Variants in DSTYK observed in about 807,000 individuals in gnomAD.
DSTYK encodes RIP-homologous kinase.
A neutral mutation model predicts 98.7 loss-of-function variants in DSTYK; 34 were observed. The observed-to-expected ratio is 0.34, with a 90% CI of 0.26 to 0.46. The LOEUF (loss-of-function observed/expected upper bound fraction) is 0.46, where lower values mean the gene tolerates loss of function less well. Ranked by LOEUF, DSTYK falls within the 20% of genes least tolerant of loss-of-function variation. The probability of loss-of-function intolerance (pLI) is 1.00; values close to 1 mark genes in which losing one functional copy is unlikely to be tolerated. For missense variants in DSTYK, 962 were observed against 1,181.7 expected (o/e 0.81, Z 2.73); for synonymous variants, 462 against 457.3 (o/e 1.01, Z -0.13).
chr1:205,183,775 T>C lies in DSTYK; in HGVS notation c.654+3643A>G, dbSNP rs547134354. ...AATGCCCCCAGCAGTAAGCTGAGCA[T>C]TGCTGATGTATCTAACAGAGACAGG... On this transcript the variant is annotated intron_variant, in intron 2 of 12. Coordinates refer to ENST00000367162, the MANE Select transcript of DSTYK (RefSeq NM_015375.3). Among the ~76,000 whole-genome samples, 13 of 152,270 alleles carry C rather than the reference T, an allele frequency of 8.5e-5. No homozygotes were observed. The East Asian group carries it at 2.1e-3, about 25-fold the overall frequency.
intron 2 of DSTYK, among the ~76,000 whole-genome samples, chr1:205,181,628 C>A (rs891559187): frequency 6.7e-6 from 1 of 150,212 alleles, no homozygotes; most frequent in Non-Finnish European, 1.5e-5. Context: ...GTGCTGGGAC[C>A]ACAGATGTGA....
chr1:205,187,343 C>T, intron 2 of DSTYK, 75 bp downstream of exon 2: 1 of 1,483,942 alleles, frequency 6.7e-7, no homozygotes, highest in Non-Finnish European at 9.0e-7. Context: ...CATCGAATTA[C>T]TTTTTTAGAA....
chr1:205,206,483 T>A (rs1481914343), intron 1 of DSTYK, among the ~76,000 whole-genome samples: 2 of 151,616 alleles, frequency 1.3e-5, no homozygotes, highest in Non-Finnish European at 2.9e-5. Context: ...TTCTCCATGT[T>A]GGTCAGGCTG....
intron 1 of DSTYK, among the ~76,000 whole-genome samples, chr1:205,193,982 G>C (rs1658789206): frequency 6.6e-6 from 1 of 152,096 alleles, no homozygotes; most frequent in Non-Finnish European, 1.5e-5. Flanking sequence ...GAGAGGACCT[G>C]CCACATCCCA....
rs1379838726 is a variant in DSTYK, at chr1:205,211,487, C to T, written c.49G>A (p.Gly17Ser). The T allele has an allele frequency of 1.3e-6, 2 of 1,582,492 alleles. No individual in the cohort carries two copies. Among genetic ancestry groups the T allele is most frequent in the Admixed American group, 1.7e-5 (1 of 57,916 alleles). ...PWGSEPVSGPGPGGGGMIREL... is the reference protein window; with the variant it reads ...PWGSEPVSGPSPGGGGMIREL... ...CGGATCATTCCGCCGCCGCCGGGGC[C>T]GGGACCCGAGACGGGCTCGCTGCCC... Residue 17 changes from glycine to serine, a missense_variant, in exon 1 of 13, where the codon GGC becomes AGC. By Grantham distance (56) the Gly-to-Ser change is moderately conservative. This residue lies in a region of DSTYK where 168 missense variants were observed against 120.0 expected (regional missense o/e 1.40). Transcript: ENST00000367162.
At chr1:205,201,405 CAAA>C (rs67120994) in intron 1 of DSTYK, among the ~76,000 whole-genome samples, 2 of 95,472 alleles carry the variant, frequency 2.1e-5, no homozygotes, top group Non-Finnish European at 3.9e-5. Context: ...TTTTTTAATG[CAAA>C]AAAAAAAAAA....
Position 205,211,322 on chromosome 1 carries a change from C to A in DSTYK, c.214G>T (p.Gly72Trp). Reference sequence around the variant, plus strand: ...TCGCCTGCAGGGCCGCGCTCGGCCCCGCCGCCGCCCGTGAGGGAGGAGAGA... The same window carrying A: ...TCGCCTGCAGGGCCGCGCTCGGCCCAGCCGCCGCCCGTGAGGGAGGAGAGA... ...TCLSSLTGGGGAERGPAGDVA... is the reference protein window; with the variant it reads ...TCLSSLTGGGWAERGPAGDVA... Residue 72 changes from glycine (G) to tryptophan (W), a missense_variant, in exon 1 of 13, where the codon GGG becomes TGG. This residue lies in a region of DSTYK where 168 missense variants were observed against 120.0 expected (regional missense o/e 1.40). Transcript: ENST00000367162. 2 of 1,610,634 alleles carry A rather than the reference C, an allele frequency of 1.2e-6. No homozygotes were observed. Among genetic ancestry groups the A allele is most frequent in the Admixed American group, 1.7e-5 (1 of 59,788 alleles).
At chr1:205,156,507 C>G (rs1657565262) in intron 10 of DSTYK, among the ~76,000 whole-genome samples, 1 of 152,182 alleles carries the variant, frequency 6.6e-6, no homozygotes, top group African/African-American at 2.4e-5. Flanking sequence ...TATTGGATTT[C>G]AGACTTGCAT....
intron 2 of DSTYK, among the ~76,000 whole-genome samples, chr1:205,174,863 G>A (rs376867524): frequency 6.3e-4 from 88 of 140,080 alleles, no homozygotes; most frequent in Non-Finnish European, 1.1e-3. Flanking sequence ...TCAGCGTCTC[G>A]AGTAGCTGGG....
intron 2 of DSTYK, among the ~76,000 whole-genome samples, chr1:205,174,500 GA>G (rs1464097977): frequency 1.5e-5 from 2 of 135,580 alleles, no homozygotes; most frequent in Non-Finnish European, 3.1e-5. Context: ...GTGACAGAGT[GA>G]GACTCCGTCT....
intron 5 of DSTYK, 81 bp from the exon 6 acceptor site, chr1:205,162,293 G>A: frequency 6.6e-7 from 1 of 1,512,270 alleles, no homozygotes; most frequent in Admixed American, 2.0e-5. Flanking sequence ...TCCTTTTCTG[G>A]GTTACCCATT....
At chr1:205,180,796 T>G (rs1658375061) in intron 2 of DSTYK, among the ~76,000 whole-genome samples, 1 of 152,186 alleles carries the variant, frequency 6.6e-6, no homozygotes, top group Admixed American at 6.5e-5. Flanking sequence ...TCAAGGTTAC[T>G]ATAGTGAGCA....
At chr1:205,163,317 T>C (rs1425700742) in intron 4 of DSTYK, among the ~76,000 whole-genome samples, 2 of 152,054 alleles carry the variant, frequency 1.3e-5, no homozygotes, top group African/African-American at 4.8e-5. Context: ...CCTCCCAGGT[T>C]CAAGCGATTC....
rs745431742 is a variant in DSTYK, at chr1:205,169,443, G to C, written c.1044C>G (p.His348Gln). 6.2e-7 allele frequency: 1 copy of C among 1,614,162 alleles called. No homozygotes were observed. Among genetic ancestry groups the C allele is most frequent in the Admixed American group, 1.7e-5 (1 of 60,016 alleles). ...EKLRHLSTFSHQVLQTRLVDA... is the reference protein window; with the variant it reads ...EKLRHLSTFSQQVLQTRLVDA... The stretch of plus-strand genomic sequence containing the variant: ...CCACCAGGCGAGTCTGTAACACCTG[G>C]TGAGAAAATGTGCTCAAGTGTCTCA... The change falls in exon 3 of 13, where the codon CAC becomes CAG. Residue 348 changes from histidine to glutamine, a missense_variant. His to Gln is a conservative substitution (Grantham distance 24). Coordinates refer to ENST00000367162, the MANE Select transcript of DSTYK (RefSeq NM_015375.3). The surrounding 1 kb of genome is among the most constrained non-coding windows in gnomAD (Gnocchi z 4.0).
Position 205,162,129 on chromosome 1 carries a change from G to C in DSTYK, c.1725C>G (p.Ser575Arg). ...KRKVAQEAIE[S>R]LSASKLAKSI... is the part of the protein sequence containing the mutation. ...TCTTAGCCAATTTGGAGGCGCTGAG[G>C]CTCTCAATGGCTTCCTGGGCCACCT... Residue 575 changes from serine (S) to arginine (R), a missense_variant, in exon 6 of 13, where the codon AGC becomes AGG. Physicochemically the swap from Ser to Arg is moderately radical, Grantham distance 110 (BLOSUM62 -1). Transcript: ENST00000367162. 2 of 1,614,136 alleles carry C rather than the reference G, an allele frequency of 1.2e-6. No individual in the cohort carries two copies. Among genetic ancestry groups the C allele is most frequent in the Non-Finnish European group, 1.7e-6 (2 of 1,180,002 alleles).
At chr1:205,167,841 G>T (rs1268958128) in intron 3 of DSTYK, among the ~76,000 whole-genome samples, 1 of 152,248 alleles carries the variant, frequency 6.6e-6, no homozygotes, top group Non-Finnish European at 1.5e-5. Flanking sequence ...TCGAGGCCAG[G>T]TGTGGTGGCT....
In DSTYK at chr1:205,163,875, T is replaced by C. The variant is rs1293987261; in HGVS notation, c.1405A>G (p.Ile469Val). The change falls in exon 4 of 13, where the codon ATC (isoleucine) becomes GTC (valine). Residue 469 changes from isoleucine (I) to valine (V), a missense_variant. Transcript: ENST00000367162. ...CCIRQIQELIISRLNQAVANK... is the reference protein window; with the variant it reads ...CCIRQIQELIVSRLNQAVANK... ...GCCACTGCCTGATTAAGTCGGGAGA[T>C]GATGAGTTCCTGGATCTGTCGGATG... 1.2e-6 allele frequency: 2 copies of C among 1,614,170 alleles called. No individual in the cohort carries two copies. The highest frequency in any genetic ancestry group is 1.7e-5 in the Admixed American group (1 of 59,992).
At position 205,144,200 on chromosome 1, in the gene DSTYK, GACTTCAAGCTCTGGCC is replaced by G. The variant is rs1206118529; in HGVS notation, c.*3342_*3357del. On this transcript the variant is annotated 3_prime_UTR_variant, in exon 13 of 13. Transcript: ENST00000367162. ...ATTTCTGAAACAAAATGAGAGACCAGACTTCAAGCTCTGGCCATTAAAAATGGCCAGGTCATCATTT... is the reference window on the plus strand; with the variant it reads ...ATTTCTGAAACAAAATGAGAGACCAGATTAAAAATGGCCAGGTCATCATTT... 6.6e-6 allele frequency: 1 copy of G among 152,226 alleles called. No homozygotes were observed. Among genetic ancestry groups the G allele is most frequent in the Non-Finnish European group, 1.5e-5 (1 of 68,048 alleles). 9.4% of individuals were successfully genotyped at this position (152,226 alleles called of 1,614,324 possible). A position where few individuals can be genotyped will look rare whatever the true frequency, so the allele number is the denominator to read the frequency against.
intron 1 of DSTYK, among the ~76,000 whole-genome samples, chr1:205,197,685 T>C (rs999941657): frequency 6.6e-6 from 1 of 152,174 alleles, no homozygotes; most frequent in African/African-American, 2.4e-5. Flanking sequence ...GTCTCCACTT[T>C]TGCCCTGCAC....
Sources: allele counts gnomAD v4.1 joint callset (sites outside exome capture counted in the v4.1 genomes callset), GRCh38; gene constraint gnomAD v4.1.1; regional missense constraint gnomAD v4.1.1; non-coding constraint Gnocchi (gnomAD v3.1); transcripts MANE v1.5; gene names NCBI Gene and HGNC (gene_info 2026-07-23, HGNC 2026-07-21).